The following CPQ variants were observed in gnomAD, a reference collection of about 807,000 sequenced individuals.
CPQ encodes Ser-Met dipeptidase.
A neutral mutation model predicts 45.7 loss-of-function variants in CPQ; 37 were observed. The observed-to-expected ratio is 0.81, with a 90% confidence interval of 0.62 to 1.07. The LOEUF (loss-of-function observed/expected upper bound fraction) is 1.07, where lower values mean the gene tolerates loss of function less well. CPQ is among the 50% of genes least tolerant of loss of function. The pLI is 0.00. For missense variants in CPQ, 537 were observed against 572.9 expected (o/e 0.94, Z 0.64); for synonymous variants, 186 against 205.8 (o/e 0.90, Z 0.82).
intron 6 of CPQ, among the ~76,000 whole-genome samples, chr8:97,042,517 C>A (rs1810147499): frequency 6.6e-6 from 1 of 151,902 alleles, no homozygotes; most frequent in Admixed American, 6.6e-5. Flanking sequence ...TTATTTCTTG[C>A]CTTCTGCTAG....
chr8:96,659,765 C>A (rs1815678053), intron 1 of CPQ, among the ~76,000 whole-genome samples: 1 of 152,202 alleles, frequency 6.6e-6, no homozygotes, highest in African/African-American at 2.4e-5. Context: ...TTGCCCTTAA[C>A]TCTCCACCTT....
At chr8:96,837,619 A>G (rs915999019) in intron 3 of CPQ, among the ~76,000 whole-genome samples, 2 of 152,024 alleles carry the variant, frequency 1.3e-5, no homozygotes, top group African/African-American at 4.8e-5. Flanking sequence ...TGCGGTTCAT[A>G]CTTGTGAAGA....
At chr8:96,808,493 G>A (rs1811114722) in intron 2 of CPQ, among the ~76,000 whole-genome samples, 1 of 152,050 alleles carries the variant, frequency 6.6e-6, no homozygotes, top group South Asian at 2.1e-4. Context: ...TTCTCTTCCT[G>A]TCCCTCCTTA....
chr8:96,850,582 T>A (rs1415484548), intron 3 of CPQ, among the ~76,000 whole-genome samples: 6 of 139,840 alleles, frequency 4.3e-5, no homozygotes, highest in African/African-American at 1.6e-4. Context: ...TATTTTATTT[T>A]ATTTTATTTA....
At chr8:96,667,250 T>C (rs767858951) in intron 1 of CPQ, among the ~76,000 whole-genome samples, 3 of 152,160 alleles carry the variant, frequency 2.0e-5, no homozygotes, top group Non-Finnish European at 4.4e-5. Flanking sequence ...CATAAGAAAA[T>C]GCATGTTTTA....
rs1809375578 is a variant in CPQ at position 96,696,021 on chromosome 8, G to GA, written c.-35+50619_-35+50620insA. Among the ~76,000 whole-genome samples the GA allele has an allele frequency of 2.0e-5, 3 of 151,012 alleles. No individual in the cohort carries two copies. The East Asian group carries it at 5.8e-4, about 29-fold the overall frequency. ...GTTTATTGTGGCATTATTCACAATA[G>GA]CAAAGACTTGGAACCAACCCAAATG... On this transcript the variant is annotated intron_variant, in intron 1 of 7. Coordinates refer to ENST00000220763, the MANE Select transcript of CPQ (RefSeq NM_016134.4).
chr8:96,842,940 T>A (rs1238765134), intron 3 of CPQ, among the ~76,000 whole-genome samples: 2 of 152,232 alleles, frequency 1.3e-5, no homozygotes, highest in Non-Finnish European at 1.5e-5. Context: ...GTTTTGCTCT[T>A]GTTGCCCAGG....
chr8:96,811,255 T>C (rs1161459419), intron 2 of CPQ, among the ~76,000 whole-genome samples: 1 of 152,066 alleles, frequency 6.6e-6, no homozygotes, highest in Non-Finnish European at 1.5e-5. Context: ...CGTATTCTTT[T>C]AAAAAAATAA....
At chr8:96,709,236 C>G (rs116472237) in intron 1 of CPQ, among the ~76,000 whole-genome samples, 1,719 of 152,052 alleles carry the variant, frequency 0.011, 46 homozygotes, top group African/African-American at 0.037. Context: ...TTTTTAATCC[C>G]TCACCCCTCT....
chr8:96,893,296 G>A (rs1812401190), intron 4 of CPQ, among the ~76,000 whole-genome samples: 1 of 152,216 alleles, frequency 6.6e-6, no homozygotes, highest in Non-Finnish European at 1.5e-5. Flanking sequence ...AGCATCAACA[G>A]CAACTAATGC....
intron 1 of CPQ, among the ~76,000 whole-genome samples, chr8:96,727,345 G>A (rs960217752): frequency 6.6e-6 from 1 of 152,082 alleles, no homozygotes; most frequent in African/African-American, 2.4e-5. Flanking sequence ...ACATCTGAGG[G>A]TGTCTCACTT....
At position 97,050,029 on chromosome 8, in the gene CPQ, C is replaced by T. The variant is rs1429619806; in HGVS notation, c.1054-15980C>T. ...AATATTTCTGTAAGCCATATAGCTT[C>T]TCCTGAAACTCTAAGGGAGCTTTTG... On this transcript the variant is annotated intron_variant, in intron 6 of 7. Transcript: ENST00000220763. 3.3e-5 allele frequency among the ~76,000 whole-genome samples: 5 copies of T among 152,292 alleles called. No homozygotes were observed. In the East Asian group the frequency reaches 9.6e-4, roughly 29 times the overall value.
chr8:97,014,080 A>G (rs74742059), intron 5 of CPQ, among the ~76,000 whole-genome samples: 4,180 of 152,288 alleles, frequency 0.027, 128 homozygotes, highest in African/African-American at 0.078. Flanking sequence ...AGCCAGTGAC[A>G]TGTTCAAAGC....
At position 97,143,216 on chromosome 8, in the gene CPQ, G is replaced by A. The variant is rs780365504; in HGVS notation, c.*33G>A. ...AAGAAAGAAACGTTTTCATGCTTCT[G>A]GCCAGGAATCCTGGGTCTGCAACTT... On this transcript the variant is annotated 3_prime_UTR_variant, in exon 8 of 8. Transcript: ENST00000220763. The A allele has an allele frequency of 9.5e-6, 15 of 1,586,590 alleles. No individual in the cohort carries two copies. In the African/African-American group the frequency reaches 1.8e-4, roughly 20 times the overall value.
At chr8:97,018,809 T>C (rs983408587) in intron 5 of CPQ, among the ~76,000 whole-genome samples, 2 of 152,146 alleles carry the variant, frequency 1.3e-5, no homozygotes, top group Non-Finnish European at 2.9e-5. Context: ...AAAATATATT[T>C]AGAGGAATAA....
At chr8:96,817,225 T>C (rs189682521) in intron 2 of CPQ, among the ~76,000 whole-genome samples, 26 of 152,258 alleles carry the variant, frequency 1.7e-4, no homozygotes, top group Middle Eastern at 3.4e-3. Flanking sequence ...GCTTCTACAT[T>C]AGCACTTGCT....
chr8:96,816,143 G>A (rs1428253399), intron 2 of CPQ, among the ~76,000 whole-genome samples: 1 of 152,070 alleles, frequency 6.6e-6, no homozygotes, highest in African/African-American at 2.4e-5. Flanking sequence ...TCCCACAGTA[G>A]GACTTCCAAA....
chr8:96,716,712 A>G (rs1325600592), intron 1 of CPQ, among the ~76,000 whole-genome samples: 1 of 152,142 alleles, frequency 6.6e-6, no homozygotes, highest in Non-Finnish European at 1.5e-5. Context: ...GTTTGAGACC[A>G]GCCTGGCCAA....
rs567855899 is a variant in CPQ at position 97,005,684 on chromosome 8, G to A, written c.962-23719G>A. Among the ~76,000 whole-genome samples, 5 of 152,212 alleles carry A rather than the reference G, an allele frequency of 3.3e-5. No individual in the cohort carries two copies. The South Asian group carries it at 1.0e-3, about 32-fold the overall frequency. ...TTAGATCCTAAACTATTCTACGCAA[G>A]TTTTTGATGGGCTCTAACATGTTAA... is the stretch of plus-strand genomic sequence containing the variant. On this transcript the variant is annotated intron_variant, in intron 5 of 7. Coordinates refer to ENST00000220763, the MANE Select transcript of CPQ (RefSeq NM_016134.4).
Sources: gnomAD v4.1 joint callset for allele counts (sites outside exome capture counted in the v4.1 genomes callset) on GRCh38, gnomAD v4.1.1 for gene constraint, MANE v1.5 for transcripts, NCBI Gene and HGNC (gene_info 2026-07-23, HGNC 2026-07-21) for gene names.